The following RBFOX1 variants were observed in gnomAD, a reference collection of about 807,000 sequenced individuals.
RBFOX1 encodes RNA binding protein fox-1 homolog 1.
A neutral mutation model predicts 57.7 loss-of-function variants in RBFOX1; 8 were observed. That is an observed-to-expected ratio of 0.14 (90% confidence interval 0.08 to 0.25). RBFOX1 has a LOEUF of 0.25. Ranked by LOEUF, RBFOX1 falls within the 10% of genes least tolerant of loss-of-function variation. RBFOX1 has a pLI of 1.00. For synonymous variants in RBFOX1, 326 were observed against 222.4 expected (o/e 1.47, Z -4.15); for missense variants, 611 against 548.5 (o/e 1.11, Z -1.14).
intron 4 of RBFOX1, among the ~76,000 whole-genome samples, chr16:7,113,239 T>G (rs938012246): frequency 1.6e-4 from 24 of 152,318 alleles, no homozygotes; most frequent in African/African-American, 5.3e-4. Context: ...GGAGTTGATT[T>G]GAATGGAGAC....
intron 4 of RBFOX1, among the ~76,000 whole-genome samples, chr16:7,433,876 A>C (rs1018502061): frequency 3.9e-5 from 6 of 152,238 alleles, no homozygotes; most frequent in African/African-American, 1.4e-4. Context: ...AGGGAGAGAA[A>C]GGTAAATGAG....
At chr16:7,567,447 CCCTAT>C (rs2092082317) in intron 5 of RBFOX1, among the ~76,000 whole-genome samples, 3 of 116,974 alleles carry the variant, frequency 2.6e-5, no homozygotes, top group East Asian at 2.4e-4. Flanking sequence ...ATATATATAT[CCCTAT>C]GTATGGCCCT....
intron 4 of RBFOX1, among the ~76,000 whole-genome samples, chr16:7,088,185 G>A (rs2060275140): frequency 1.3e-5 from 2 of 152,162 alleles, no homozygotes. Context: ...TGAAAACATT[G>A]ATGGTGGTGA....
intron 2 of RBFOX1, among the ~76,000 whole-genome samples, chr16:6,480,589 T>C (rs1365841124): frequency 6.6e-5 from 10 of 152,220 alleles, no homozygotes; most frequent in Non-Finnish European, 1.3e-4. Flanking sequence ...TGAGTTTGAT[T>C]CTTGGGCTGT....
At chr16:5,776,553 C>T (rs1181650748) in intron 3 of RBFOX1, among the ~76,000 whole-genome samples, 3 of 152,166 alleles carry the variant, frequency 2.0e-5, no homozygotes, top group Non-Finnish European at 2.9e-5. Context: ...CTAGTCTGCA[C>T]CACGTACTGT....
intron 3 of RBFOX1, among the ~76,000 whole-genome samples, chr16:5,659,843 G>T (rs1201334210): frequency 6.6e-6 from 1 of 152,170 alleles, no homozygotes; most frequent in South Asian, 2.1e-4. Context: ...TCACATTGCA[G>T]TTGTTGCAGG....
At position 6,739,516 on chromosome 16, in the gene RBFOX1, T is replaced by C. The variant is rs548096502; in HGVS notation, c.-16+84866T>C. ...CCAAGGGAATCTCCGGTCTAAATGG[T>C]TTCACTGGAGAATTCTACCCATATT... On this transcript the variant is annotated intron_variant, in intron 3 of 15. Coordinates refer to ENST00000550418, the MANE Select transcript of RBFOX1 (RefSeq NM_018723.4). Among the ~76,000 whole-genome samples the C allele has an allele frequency of 8.8e-5, 11 of 124,678 alleles. 1 individual carries two copies. The South Asian group carries it at 3.2e-3, about 37-fold the overall frequency. The allele number at this position is 124,678 out of a possible 152,430, so 81.8% of individuals were successfully genotyped here. A position where few individuals can be genotyped will look rare whatever the true frequency, so the allele number is the denominator to read the frequency against.
At chr16:5,878,783 G>A (rs1158609672) in intron 4 of RBFOX1, among the ~76,000 whole-genome samples, 2 of 152,104 alleles carry the variant, frequency 1.3e-5, no homozygotes, top group African/African-American at 2.4e-5. Flanking sequence ...TGTTTAGATC[G>A]TTTCTGGTAA....
intron 3 of RBFOX1, among the ~76,000 whole-genome samples, chr16:6,843,678 G>C (rs762637485): frequency 1.3e-4 from 20 of 152,286 alleles, no homozygotes; most frequent in Non-Finnish European, 2.5e-4. Context: ...GACAGAGCGA[G>C]ACTCCATCTC....
chr16:6,260,972 C>A (rs185048314), intron 1 of RBFOX1, among the ~76,000 whole-genome samples: 143 of 152,196 alleles, frequency 9.4e-4, no homozygotes, highest in African/African-American at 2.9e-3. Context: ...TTGATTTTCC[C>A]TCTGGACATG....
At chr16:7,286,490 C>G (rs1001052622) in intron 4 of RBFOX1, among the ~76,000 whole-genome samples, 6 of 147,228 alleles carry the variant, frequency 4.1e-5, no homozygotes, top group African/African-American at 1.3e-4. Context: ...TGCTCTGTCA[C>G]CTAGGCTGGA....
At chr16:6,249,353 C>T (rs780339556) in intron 1 of RBFOX1, among the ~76,000 whole-genome samples, 19 of 152,120 alleles carry the variant, frequency 1.2e-4, no homozygotes, top group Non-Finnish European at 2.1e-4. Context: ...GGTGAAACCC[C>T]GTGTCTATTA....
chr16:6,180,783 C>T (rs953757118), intron 1 of RBFOX1, among the ~76,000 whole-genome samples: 1 of 152,122 alleles, frequency 6.6e-6, no homozygotes, highest in East Asian at 1.9e-4. Flanking sequence ...CCAGGCTGGT[C>T]TCGAACTCCT....
At chr16:6,782,650 T>C (rs893018298) in intron 3 of RBFOX1, among the ~76,000 whole-genome samples, 5 of 152,198 alleles carry the variant, frequency 3.3e-5, no homozygotes, top group Non-Finnish European at 7.3e-5. Flanking sequence ...GCCTAACATA[T>C]GGTCTACCCT....
chr16:6,797,435 G>A (rs991437173), intron 3 of RBFOX1, among the ~76,000 whole-genome samples: 13 of 152,226 alleles, frequency 8.5e-5, no homozygotes, highest in Admixed American at 2.6e-4. Context: ...GCTTTGTTGC[G>A]CAATAACATG....
At chr16:7,301,652 T>C (rs1444828426) in intron 4 of RBFOX1, among the ~76,000 whole-genome samples, 2 of 152,182 alleles carry the variant, frequency 1.3e-5, no homozygotes, top group African/African-American at 4.8e-5. Context: ...AAGTGCCATG[T>C]ATTATGTATC....
intron 1 of RBFOX1, among the ~76,000 whole-genome samples, chr16:6,107,501 T>C (rs2096395452): frequency 6.6e-6 from 1 of 152,186 alleles, no homozygotes; most frequent in Non-Finnish European, 1.5e-5. Flanking sequence ...AGTGTCATAA[T>C]ATATCCTCTA....
chr16:7,468,557 A>G (rs2060956626), intron 4 of RBFOX1, among the ~76,000 whole-genome samples: 1 of 151,768 alleles, frequency 6.6e-6, no homozygotes, highest in Non-Finnish European at 1.5e-5. Context: ...TACACATGGA[A>G]CTTCGGAAAT....
At chr16:6,191,977 G>C (rs1028704882) in intron 1 of RBFOX1, among the ~76,000 whole-genome samples, 15 of 152,166 alleles carry the variant, frequency 9.9e-5, no homozygotes, top group Non-Finnish European at 1.9e-4. Context: ...TTGGGACAAA[G>C]TGGTATGGAA....
Sources: gnomAD v4.1 joint callset for allele counts (sites outside exome capture counted in the v4.1 genomes callset) on GRCh38, gnomAD v4.1.1 for gene constraint, MANE v1.5 for transcripts, NCBI Gene and HGNC (gene_info 2026-07-23, HGNC 2026-07-21) for gene names.